AAMDC: variants seen among roughly 807,000 people sequenced by gnomAD.
AAMDC encodes the protein mth938 domain-containing protein.
AAMDC carries 16 observed loss-of-function variants against 15.5 expected under a neutral mutation model. The ratio of observed to expected loss-of-function variants is 1.03; its 90% confidence interval spans 0.70 to 1.57. The LOEUF is 1.57. Ranked by LOEUF, AAMDC falls within the 40% of genes most tolerant of loss-of-function variation. The pLI, the probability that AAMDC is intolerant of heterozygous loss-of-function variation, is 0.00. For missense variants in AAMDC, 141 were observed against 144.9 expected (o/e 0.97, Z 0.14); for synonymous variants, 51 against 51.6 (o/e 0.99, Z 0.05).
intron 5 of AAMDC, among the ~76,000 whole-genome samples, chr11:77,893,997 G>A (rs1346098026): frequency 2.6e-5 from 4 of 151,922 alleles, no homozygotes; most frequent in Admixed American, 6.6e-5. Context: ...GTATTTACAC[G>A]TTTTCTTCAT....
rs141923467 is a variant in AAMDC at position 77,828,730 on chromosome 11, G to A, written c.-19+7489G>A. Among the ~76,000 whole-genome samples the A allele has an allele frequency of 2.0e-3, 310 of 151,500 alleles. 1 individual carries two copies. Among genetic ancestry groups the A allele is most frequent in the African/African-American group, 6.5e-3 (268 of 41,314 alleles). On this transcript the variant is annotated intron_variant, in intron 1 of 3. Coordinates refer to ENST00000393427, the MANE Select transcript of AAMDC (RefSeq NM_024684.4). ...ATTGTTCAAGGAAATTTTAAAAGAC[G>A]TACATGGGAAGAAAACACATATTCA...
intron 5 of AAMDC, among the ~76,000 whole-genome samples, chr11:77,886,751 C>G (rs190475769): frequency 1.8e-3 from 258 of 144,332 alleles, no homozygotes; most frequent in African/African-American, 5.9e-3. Flanking sequence ...GGGAGGCGCC[C>G]GGCGAGGGGG....
downstream of AAMDC, chr11:77,876,810 A>G (rs1951607430): frequency 1.3e-5 from 8 of 593,354 alleles, no homozygotes; most frequent in Middle Eastern, 3.6e-4. Flanking sequence ...TTACATGGAA[A>G]ATGAGGGCTA....
intron 2 of AAMDC, among the ~76,000 whole-genome samples, chr11:77,859,869 G>A (rs979401397): frequency 6.6e-6 from 1 of 152,236 alleles, no homozygotes; most frequent in Non-Finnish European, 1.5e-5. Flanking sequence ...AATACAGCCT[G>A]ATATTTAAGT....
At chr11:77,832,646 A>T (rs2136080235) in intron 1 of AAMDC, among the ~76,000 whole-genome samples, 1 of 150,680 alleles carries the variant, frequency 6.6e-6, no homozygotes, top group East Asian at 1.9e-4. Context: ...TTTTATATTT[A>T]TTCTTCAAAT....
intron 3 of AAMDC, among the ~76,000 whole-genome samples, chr11:77,870,511 G>A (rs1280932211): frequency 1.3e-5 from 2 of 151,146 alleles, no homozygotes; most frequent in African/African-American, 4.9e-5. Flanking sequence ...TAATTTTTTT[G>A]TATTTTTAGT....
intron 2 of AAMDC, among the ~76,000 whole-genome samples, chr11:77,861,315 T>C (rs150167725): frequency 2.7e-4 from 41 of 152,276 alleles, no homozygotes; most frequent in Admixed American, 5.2e-4. Flanking sequence ...AGTCACAACT[T>C]AGTGGCTGAG....
At chr11:77,868,423 A>T (rs533341189) in intron 2 of AAMDC, among the ~76,000 whole-genome samples, 5 of 132,442 alleles carry the variant, frequency 3.8e-5, no homozygotes, top group African/African-American at 1.5e-4. Flanking sequence ...CAATGGCGTG[A>T]TCTCAGCTCA....
intron 1 of AAMDC, among the ~76,000 whole-genome samples, chr11:77,836,808 A>T (rs1420634086): frequency 6.6e-6 from 1 of 152,170 alleles, no homozygotes; most frequent in East Asian, 1.9e-4. Context: ...TCTACTAAAA[A>T]TACAAAATTA....
chr11:77,860,542 T>G (rs1037606794), intron 2 of AAMDC, among the ~76,000 whole-genome samples: 1 of 152,226 alleles, frequency 6.6e-6, no homozygotes, highest in Non-Finnish European at 1.5e-5. Context: ...GGTGGCTTGA[T>G]GGCACAAGGT....
intron 2 of AAMDC, among the ~76,000 whole-genome samples, chr11:77,864,352 AT>A (rs1354809837): frequency 6.6e-6 from 1 of 151,492 alleles, no homozygotes; most frequent in African/African-American, 2.4e-5. Context: ...GGCAGGGAGA[AT>A]CGCTTGAACC....
At chr11:77,863,136 T>C (rs1174487538) in intron 2 of AAMDC, among the ~76,000 whole-genome samples, 3 of 152,142 alleles carry the variant, frequency 2.0e-5, no homozygotes, top group African/African-American at 7.2e-5. Flanking sequence ...GTTATAGCCC[T>C]ATCAGAAGCC....
chr11:77,894,765 C>T (rs1443451731), intron 5 of AAMDC, among the ~76,000 whole-genome samples: 2 of 152,194 alleles, frequency 1.3e-5, no homozygotes, highest in Non-Finnish European at 2.9e-5. Context: ...GAGCTGTCAG[C>T]ATTGGGATGA....
intron 1 of AAMDC, chr11:77,830,234 A>G (rs1407037614): frequency 6.6e-6 from 1 of 152,216 alleles, no homozygotes; most frequent in Non-Finnish European, 1.5e-5. Flanking sequence ...TTGGGAGCTC[A>G]AAAGGCCAAA....
intron 5 of AAMDC, among the ~76,000 whole-genome samples, chr11:77,896,003 G>A (rs1462433189): frequency 6.6e-6 from 1 of 152,148 alleles, no homozygotes; most frequent in Non-Finnish European, 1.5e-5. Flanking sequence ...CAAAGACAAT[G>A]GAAAATGACT....
intron 5 of AAMDC, among the ~76,000 whole-genome samples, chr11:77,885,669 A>T (rs966861294): frequency 2.0e-5 from 3 of 151,972 alleles, no homozygotes; most frequent in Non-Finnish European, 4.4e-5. Context: ...AAATACAAAA[A>T]TTAGCTGGGT....
intron 1 of AAMDC, among the ~76,000 whole-genome samples, chr11:77,823,130 G>T (rs1014745237): frequency 2.7e-5 from 4 of 146,816 alleles, no homozygotes; most frequent in African/African-American, 1.0e-4. Context: ...CAGGAGAATG[G>T]CATGGACCCG....
chr11:77,876,415 TC>T (rs1252576606), downstream of AAMDC, among the ~76,000 whole-genome samples: 2 of 151,872 alleles, frequency 1.3e-5, no homozygotes, highest in African/African-American at 4.8e-5. Context: ...TTTTTTTTTT[TC>T]ACTTCAGTGA....
intron 5 of AAMDC, among the ~76,000 whole-genome samples, chr11:77,896,855 C>A (rs1468606477): frequency 6.7e-6 from 1 of 149,344 alleles, no homozygotes; most frequent in African/African-American, 2.5e-5. Context: ...TTCAAACTCC[C>A]ACCGAAGATC....
Sources: gnomAD v4.1 joint callset for allele counts (sites outside exome capture counted in the v4.1 genomes callset) on GRCh38, gnomAD v4.1.1 for gene constraint, MANE v1.5 for transcripts, NCBI Gene and HGNC (gene_info 2026-07-23, HGNC 2026-07-21) for gene names.